MNAT1: variants seen among roughly 807,000 people sequenced by gnomAD.
The protein encoded by MNAT1 is MNAT1 component of CDK activating kinase.
Under a neutral mutation model 42.0 loss-of-function variants are expected in MNAT1, and 43 were observed. The ratio of observed to expected loss-of-function variants is 1.02; its 90% CI spans 0.80 to 1.32. MNAT1 has a LOEUF of 1.32. MNAT1 is among the 40% of genes most tolerant of loss of function. The pLI is 0.00. For missense variants in MNAT1, 306 were observed against 350.4 expected (o/e 0.87, Z 1.01); for synonymous variants, 118 against 120.0 (o/e 0.98, Z 0.11).
intron 7 of MNAT1, among the ~76,000 whole-genome samples, chr14:60,947,069 C>G (rs1286609933): frequency 6.6e-6 from 1 of 152,116 alleles, no homozygotes; most frequent in Non-Finnish European, 1.5e-5. Flanking sequence ...ACCTGAATGC[C>G]TCACAAAGAC....
intron 7 of MNAT1, among the ~76,000 whole-genome samples, chr14:60,886,697 A>G (rs546709256): frequency 3.9e-4 from 60 of 152,126 alleles, no homozygotes; most frequent in Non-Finnish European, 7.8e-4. Context: ...ATAAAGAAAT[A>G]TAGCTGATTT....
At chr14:60,792,391 T>A (rs187344473) in intron 1 of MNAT1, among the ~76,000 whole-genome samples, 22 of 152,276 alleles carry the variant, frequency 1.4e-4, no homozygotes, top group African/African-American at 2.4e-4. Context: ...GGAAATTTTT[T>A]AAAAAATAAT....
chr14:60,941,387 A>T (rs2036156573), intron 7 of MNAT1, among the ~76,000 whole-genome samples: 1 of 152,176 alleles, frequency 6.6e-6, no homozygotes, highest in Admixed American at 6.5e-5. Flanking sequence ...TTCTCCTTAA[A>T]GATTTACCTT....
intron 7 of MNAT1, among the ~76,000 whole-genome samples, chr14:60,912,171 T>C (rs1196494314): frequency 6.6e-6 from 1 of 152,200 alleles, no homozygotes; most frequent in Non-Finnish European, 1.5e-5. Flanking sequence ...TTCCGTTTGC[T>C]TGGTAGATCT....
At chr14:60,743,872 T>C (rs1368121672) in intron 1 of MNAT1, among the ~76,000 whole-genome samples, 1 of 152,220 alleles carries the variant, frequency 6.6e-6, no homozygotes, top group Non-Finnish European at 1.5e-5. Context: ...CCATTTCTAA[T>C]CTCATCCAAT....
chr14:60,859,922 A>G (rs1594809950), intron 6 of MNAT1, among the ~76,000 whole-genome samples: 2 of 152,198 alleles, frequency 1.3e-5, no homozygotes, highest in Non-Finnish European at 2.9e-5. Flanking sequence ...TAAGAATGCA[A>G]AAGACAAAAT....
chr14:60,809,268 T>G (rs1417844039), intron 4 of MNAT1, among the ~76,000 whole-genome samples: 1 of 152,174 alleles, frequency 6.6e-6, no homozygotes, highest in Non-Finnish European at 1.5e-5. Context: ...GCTTATATTT[T>G]CATTTTGTAT....
At chr14:60,946,694 A>G (rs1022847867) in intron 7 of MNAT1, among the ~76,000 whole-genome samples, 7 of 152,108 alleles carry the variant, frequency 4.6e-5, no homozygotes, top group Admixed American at 1.3e-4. Context: ...CACTTCTTGT[A>G]TATCGTTCCT....
At chr14:60,826,985 AATTAGG>A (rs1337687676) in intron 6 of MNAT1, among the ~76,000 whole-genome samples, 2 of 152,216 alleles carry the variant, frequency 1.3e-5, no homozygotes, top group Admixed American at 1.3e-4. Flanking sequence ...TCATCTCATA[AATTAGG>A]ATTGAGATTC....
chr14:60,911,936 T>C (rs1319443545), intron 7 of MNAT1, among the ~76,000 whole-genome samples: 1 of 151,990 alleles, frequency 6.6e-6, no homozygotes, highest in Non-Finnish European at 1.5e-5. Context: ...AAGTCTCCCA[T>C]TATTATTGTG....
At chr14:60,816,243 G>A (rs1289285759) in intron 5 of MNAT1, among the ~76,000 whole-genome samples, 1 of 152,018 alleles carries the variant, frequency 6.6e-6, no homozygotes, top group African/African-American at 2.4e-5. Context: ...TAATGTTATG[G>A]TCTTAATGTT....
rs374002396 is a variant in MNAT1, at chr14:60,849,851, T to TTTTG, written c.688-29860_688-29859insGTTT. Among the ~76,000 whole-genome samples the TTTTG allele has an allele frequency of 2.9e-3, 435 of 152,250 alleles. 3 individuals are homozygous for TTTTG. Among genetic ancestry groups the TTTTG allele is most frequent in the African/African-American group, 9.4e-3 (390 of 41,544 alleles). On this transcript the variant is annotated intron_variant, in intron 6 of 7. Coordinates refer to ENST00000261245, the MANE Select transcript of MNAT1 (RefSeq NM_002431.4). ...TCCTTAGTTTCTTTCTTTCTTTTTT[T>TTTTG]TTTTAAATGGGGTGTCACTCTGTCA...
At chr14:60,938,312 A>C (rs982776063) in intron 7 of MNAT1, among the ~76,000 whole-genome samples, 2 of 152,128 alleles carry the variant, frequency 1.3e-5, no homozygotes, top group African/African-American at 4.8e-5. Context: ...GCCAGTTTTC[A>C]AAGGGAATGC....
Position 60,744,628 on chromosome 14 carries a change from T to C in MNAT1, c.89+9677T>C, listed in dbSNP as rs146109025. Among the ~76,000 whole-genome samples, 11 of 152,348 alleles carry C rather than the reference T, an allele frequency of 7.2e-5. No homozygotes were observed. The East Asian group carries it at 2.1e-3, about 29-fold the overall frequency. On this transcript the variant is annotated intron_variant, in intron 1 of 7. Coordinates refer to ENST00000261245, the MANE Select transcript of MNAT1 (RefSeq NM_002431.4). The stretch of plus-strand genomic sequence containing the variant: ...AGTTACTGGCAGATAACTTTGAACT[T>C]GTGTAGGCTTGGTTTTACTCTTTGC...
intron 1 of MNAT1, among the ~76,000 whole-genome samples, chr14:60,737,974 G>T (rs1896354648): frequency 1.3e-5 from 2 of 149,158 alleles, no homozygotes; most frequent in Non-Finnish European, 3.0e-5. Context: ...TCAGCCTCCC[G>T]AGTAGCTGGG....
At chr14:60,784,117 G>A (rs142157541) in intron 1 of MNAT1, among the ~76,000 whole-genome samples, 4,227 of 147,000 alleles carry the variant, frequency 0.029, 90 homozygotes, top group Middle Eastern at 0.056. Flanking sequence ...GGTTCAAGCC[G>A]TTCTCCTGCC....
At chr14:60,872,563 A>G (rs911493283) in intron 6 of MNAT1, among the ~76,000 whole-genome samples, 2 of 151,906 alleles carry the variant, frequency 1.3e-5, no homozygotes, top group African/African-American at 2.4e-5. Context: ...GATCTAGACC[A>G]TATTACTTTA....
intron 1 of MNAT1, among the ~76,000 whole-genome samples, chr14:60,762,224 A>G (rs1224243544): frequency 1.3e-5 from 2 of 152,182 alleles, no homozygotes; most frequent in Non-Finnish European, 2.9e-5. Context: ...CCAAAATCTC[A>G]GGAGGAAAAA....
At chr14:60,858,039 G>T (rs1445411856) in intron 6 of MNAT1, among the ~76,000 whole-genome samples, 1 of 152,132 alleles carries the variant, frequency 6.6e-6, no homozygotes, top group Admixed American at 6.5e-5. Context: ...AAACATACGT[G>T]TGCATGTGTC....
Sources: allele counts gnomAD v4.1 joint callset (sites outside exome capture counted in the v4.1 genomes callset), GRCh38; gene constraint gnomAD v4.1.1; transcripts MANE v1.5; gene names NCBI Gene and HGNC (gene_info 2026-07-23, HGNC 2026-07-21).